ABCA7: variants seen among roughly 807,000 people sequenced by gnomAD.
ABCA7 encodes the protein phospholipid-transporting ATPase ABCA7.
ABCA7 carries 261 observed loss-of-function variants against 227.6 expected under a neutral mutation model. The observed-to-expected ratio is 1.15, with a 90% CI of 1.04 to 1.27. ABCA7 has a LOEUF of 1.27. Ranked by LOEUF, ABCA7 falls within the 50% of genes most tolerant of loss-of-function variation. The probability of loss-of-function intolerance (pLI) is 0.00; values close to 1 mark genes in which losing one functional copy is unlikely to be tolerated. For missense variants in ABCA7, 3,331 were observed against 2,924.5 expected (o/e 1.14, Z -3.21); for synonymous variants, 1,488 against 1,279.7 (o/e 1.16, Z -3.47).
intron 45 of ABCA7, 94 bp downstream of exon 45, chr19:1,064,347 G>A: frequency 1.5e-6 from 2 of 1,344,198 alleles, no homozygotes; most frequent in East Asian, 2.6e-5. Context: ...GGTGAGGAAA[G>A]TTTGGCTCCA....
chr19:1,044,933 G>A, intron 11 of ABCA7, 69 bp from the exon 12 acceptor site: 1 of 1,568,270 alleles, frequency 6.4e-7, no homozygotes. Context: ...CGAGGTCCAG[G>A]GGGAGGAGCG....
chr19:1,056,251 C>A lies in ABCA7; in HGVS notation c.4416+8C>A. ...GCTCAGGACAGTCTCAAGGTGGGAA[C>A]TGGGGGGGCAGGTGGGCGTCCTGTC... is the stretch of plus-strand genomic sequence containing the variant. On this transcript the variant is annotated splice_region_variant and intron_variant, in intron 32 of 46. Coordinates refer to ENST00000263094, the MANE Select transcript of ABCA7 (RefSeq NM_019112.4). This position sits in a 1 kb window ranked among gnomAD's most constrained non-coding sequence, Gnocchi z 4.3. 1 of 1,590,438 alleles carries A rather than the reference C, an allele frequency of 6.3e-7. No homozygotes were observed. The highest frequency in any genetic ancestry group is 1.1e-5 in the South Asian group (1 of 89,246).
chr19:1,052,860 C>G (rs8109801), intron 23 of ABCA7, among the ~76,000 whole-genome samples: 5 of 151,794 alleles, frequency 3.3e-5, no homozygotes, highest in Non-Finnish European at 5.9e-5. Context: ...ACAAACCTAC[C>G]CCTGACCTCC....
chr19:1,048,214 C>G (rs770422966), intron 16 of ABCA7, among the ~76,000 whole-genome samples: 33 of 117,806 alleles, frequency 2.8e-4, no homozygotes, highest in Non-Finnish European at 5.4e-4. Flanking sequence ...AAAAAAAAAG[C>G]TGGCTGGGTG....
At chr19:1,050,101 G>C (rs1414594711) in intron 18 of ABCA7, among the ~76,000 whole-genome samples, 1 of 148,946 alleles carries the variant, frequency 6.7e-6, no homozygotes, top group Non-Finnish European at 1.5e-5. Context: ...CTTGGGCAAC[G>C]GAGTAAGACC....
At position 1,058,959 on chromosome 19, in the gene ABCA7, A is replaced by G; in HGVS notation, c.5400+19A>G. On this transcript the variant is annotated intron_variant, in intron 39 of 46. Coordinates refer to ENST00000263094, the MANE Select transcript of ABCA7 (RefSeq NM_019112.4). ...GACCAAGGTAGGTGTGGTCAGGTCG[A>G]CTGCTGGGTGGGGGGTGCTCCCACT... 6.2e-7 allele frequency: 1 copy of G among 1,611,428 alleles called. No individual in the cohort carries two copies. The highest frequency in any genetic ancestry group is 8.5e-7 in the Non-Finnish European group (1 of 1,178,142).
intron 10 of ABCA7, 69 bp downstream of exon 10, chr19:1,043,910 G>A (rs2040322493): frequency 2.2e-6 from 3 of 1,381,260 alleles, no homozygotes; most frequent in Non-Finnish European, 3.1e-6. Context: ...CCGGTGGATG[G>A]GAAGGTGGGC....
Position 1,051,256 on chromosome 19 carries a change from T to C in ABCA7, c.2786T>C (p.Leu929Pro), listed in dbSNP as rs200542905. Residue 929 changes from leucine to proline, a missense_variant, in exon 20 of 47, where the codon CTG becomes CCG. Coordinates refer to ENST00000263094, the MANE Select transcript of ABCA7 (RefSeq NM_019112.4). The stretch of plus-strand genomic sequence containing the variant: ...GACCGTCTGCTGCAGGATGTGGGGC[T>C]GGTCTCCAAGCAGAGTGTGCAGACT... ...EQDRLLQDVG[L>P]VSKQSVQTRH... 2 of 1,608,672 alleles carry C rather than the reference T, an allele frequency of 1.2e-6. No homozygotes were observed. The highest frequency in any genetic ancestry group is 1.7e-6 in the Non-Finnish European group (2 of 1,178,584).
At position 1,063,870 on chromosome 19, in the gene ABCA7, C is replaced by T. The variant is rs1156401311; in HGVS notation, c.5951+7C>T. ...TGATGCTCACCTCCCATAGGTGGGC[C>T]GGGCTCTGATGCCCTGGGCTGTGGT... is the stretch of plus-strand genomic sequence containing the variant. On this transcript the variant is annotated splice_region_variant and intron_variant, in intron 44 of 46. Coordinates refer to ENST00000263094, the MANE Select transcript of ABCA7 (RefSeq NM_019112.4). 1 of 1,525,262 alleles carries T rather than the reference C, an allele frequency of 6.6e-7. No individual in the cohort carries two copies. The highest frequency in any genetic ancestry group is 2.0e-5 in the Admixed American group (1 of 50,394). The allele number at this position is 1,525,262 out of a possible 1,614,324, so 94.5% of individuals were successfully genotyped here. A position where few individuals can be genotyped will look rare whatever the true frequency, so the allele number is the denominator to read the frequency against.
At position 1,051,503 on chromosome 19, in the gene ABCA7, T is replaced by C. The variant is rs146811533; in HGVS notation, c.2879T>C (p.Val960Ala). Residue 960 changes from valine (V) to alanine (A), a missense_variant, in exon 21 of 47, where the codon GTT (valine) becomes GCT (alanine). Coordinates refer to ENST00000263094, the MANE Select transcript of ABCA7 (RefSeq NM_019112.4). ...VAIAFVGGSQ[V>A]VILDEPTAGV... ...ATTGCCTTTGTGGGCGGCTCCCAAG[T>C]TGTTATCCTGGACGAGCCTACGGCT... 4.0e-5 allele frequency: 65 copies of C among 1,612,624 alleles called. No individual in the cohort carries two copies. The African/African-American group carries it at 6.9e-4, about 17-fold the overall frequency.
Position 1,041,562 on chromosome 19 carries a change from T to TG in ABCA7, c.121dup (p.Ala41GlyfsTer13). On this transcript the variant is annotated frameshift_variant, in exon 3 of 47. Transcript: ENST00000263094. LOFTEE classifies it high-confidence loss of function. The stretch of plus-strand genomic sequence containing the variant: ...CCTCTCTTCCTCTTCTTCATCCTGG[T>TG]GGCTGTTCGCCACTCCCACCCGCCC... 6.2e-7 allele frequency: 1 copy of TG among 1,613,210 alleles called. No individual in the cohort carries two copies. The highest frequency in any genetic ancestry group is 8.5e-7 in the Non-Finnish European group (1 of 1,180,028).
chr19:1,063,310 TCC>T, intron 42 of ABCA7, among the ~76,000 whole-genome samples: 1 of 102,076 alleles, frequency 9.8e-6, no homozygotes, highest in Non-Finnish European at 2.1e-5. Flanking sequence ...CCCACACCCA[TCC>T]CAGCTCCACC....
chr19:1,043,466 TG>T lies in ABCA7; in HGVS notation c.925del (p.Ala309ProfsTer3). 6.2e-7 allele frequency: 1 copy of T among 1,608,718 alleles called. No individual in the cohort carries two copies. The highest frequency in any genetic ancestry group is 8.5e-7 in the Non-Finnish European group (1 of 1,177,818). ...GATACACCTTTTACCCGGAAGCTCA[TG>T]GCCCAGGTGGGGGCAGCCTGGATGC... ...APDTPFTRKL[M>X]AQVNRTFEEL... On this transcript the variant is annotated frameshift_variant, in exon 9 of 47. Coordinates refer to ENST00000263094, the MANE Select transcript of ABCA7 (RefSeq NM_019112.4). LOFTEE classifies it high-confidence loss of function.
Position 1,043,836 on chromosome 19 carries a change from C to A in ABCA7, c.1042C>A (p.Leu348Met). The stretch of plus-strand genomic sequence containing the variant: ...GAACGACAGTTCCAATGTGGCCATG[C>A]TGCAGGTGTGCGGGGGTGCTGGGGA... ...FMNDSSNVAM[L>M]QRLLQMQDEG... Residue 348 changes from leucine (L) to methionine (M), a missense_variant, in exon 10 of 47, where the codon CTG becomes ATG. Physicochemically the swap from Leu to Met is conservative, Grantham distance 15. Coordinates refer to ENST00000263094, the MANE Select transcript of ABCA7 (RefSeq NM_019112.4). The A allele has an allele frequency of 6.2e-7, 1 of 1,611,544 alleles. No individual in the cohort carries two copies. The highest frequency in any genetic ancestry group is 1.7e-5 in the Admixed American group (1 of 59,946).
chr19:1,064,073 G>A (rs1353796978), intron 44 of ABCA7, 88 bp from the exon 45 acceptor site: 2 of 1,414,554 alleles, frequency 1.4e-6, no homozygotes, highest in Non-Finnish European at 1.9e-6. Flanking sequence ...ACACCAGAAG[G>A]GTGGCCCAGG....
At chr19:1,053,623 A>G (rs958368803) in intron 24 of ABCA7, 92 bp downstream of exon 24, 26 of 1,521,684 alleles carry the variant, frequency 1.7e-5, no homozygotes, top group Admixed American at 3.8e-5. Flanking sequence ...GTTTATGAGC[A>G]GCAAGGACAT....
intron 11 of ABCA7, 110 bp downstream of exon 11, chr19:1,044,854 C>T (rs757372417): frequency 2.5e-4 from 362 of 1,468,908 alleles, no homozygotes; most frequent in Non-Finnish European, 3.1e-4. Flanking sequence ...CTAGTAAGAG[C>T]CTGGGATTTG....
At position 1,050,950 on chromosome 19, in the gene ABCA7, G is replaced by A. The variant is rs2041557717; in HGVS notation, c.2582G>A (p.Ser861Asn). 6.2e-7 allele frequency: 1 copy of A among 1,611,282 alleles called. No individual in the cohort carries two copies. Among genetic ancestry groups the A allele is most frequent in the Admixed American group, 1.7e-5 (1 of 59,872 alleles). Residue 861 changes from serine (S) to asparagine (N), a missense_variant, in exon 19 of 47, where the codon AGT becomes AAT. Ser to Asn is a conservative substitution (Grantham distance 46). Transcript: ENST00000263094. ...ATCTTGAGTGGCCTCTTCCCACCCAGTGGTGGCTCTGCCTTCATCCTGGGC... is the reference window on the plus strand; with the variant it reads ...ATCTTGAGTGGCCTCTTCCCACCCAATGGTGGCTCTGCCTTCATCCTGGGC... ...LSILSGLFPP[S>N]GGSAFILGHD...
In ABCA7 at chr19:1,041,379, G is replaced by A. The variant is rs1249469786; in HGVS notation, c.18G>A (p.Gln6=). 1 of 1,614,032 alleles carries A rather than the reference G, an allele frequency of 6.2e-7. No homozygotes were observed. The highest frequency in any genetic ancestry group is 8.5e-7 in the Non-Finnish European group (1 of 1,180,024). ...GTCTCACCATGGCCTTCTGGACACA[G>A]CTGATGCTGCTGCTCTGGAAGAATT... is the stretch of plus-strand genomic sequence containing the variant. The part of the protein sequence containing the change: MAFWT[Q]LMLLLWKNFM... Residue 6 remains glutamine (Q), a synonymous_variant, in exon 2 of 47, where the codon CAG becomes CAA. Transcript: ENST00000263094.
Sources: allele counts gnomAD v4.1 joint callset (sites outside exome capture counted in the v4.1 genomes callset), GRCh38; gene constraint gnomAD v4.1.1; non-coding constraint Gnocchi (gnomAD v3.1); transcripts MANE v1.5; gene names NCBI Gene and HGNC (gene_info 2026-07-23, HGNC 2026-07-21).